The following LRRC37B variants were observed in gnomAD, a reference collection of about 807,000 sequenced individuals.
LRRC37B encodes leucine-rich repeat-containing protein 37B.
A neutral mutation model predicts 98.3 loss-of-function variants in LRRC37B; 28 were observed. That is an observed-to-expected ratio of 0.28 (90% CI 0.21 to 0.39). The LOEUF (loss-of-function observed/expected upper bound fraction) is 0.39, where lower values mean the gene tolerates loss of function less well. Ranked by LOEUF, LRRC37B falls within the 10% of genes least tolerant of loss-of-function variation. The pLI, the probability that LRRC37B is intolerant of heterozygous loss-of-function variation, is 1.00. For synonymous variants in LRRC37B, 364 were observed against 442.7 expected (o/e 0.82, Z 2.23); for missense variants, 938 against 1,182.7 (o/e 0.79, Z 3.03).
intron 8 of LRRC37B, chr17:32,047,548 T>C: frequency 1.6e-6 from 1 of 634,598 alleles, no homozygotes; most frequent in Non-Finnish European, 2.7e-6. Context: ...TATGTCACAC[T>C]ATGGAATGTT....
rs781381016 is a variant in LRRC37B, at chr17:32,021,166, G to C, written c.101G>C (p.Trp34Ser). Reference sequence around the variant, plus strand: ...TGTGTCATGTCTTGGCTGCGTTTCTGGGGCCCATGGCCCCTCCTTACGTGG... The same window carrying C: ...TGTGTCATGTCTTGGCTGCGTTTCTCGGGCCCATGGCCCCTCCTTACGTGG... The change falls in exon 1 of 12, where the codon TGG (tryptophan) becomes TCG (serine). Residue 34 changes from tryptophan to serine, a missense_variant. Transcript: ENST00000327564. 14 of 1,613,694 alleles carry C rather than the reference G, an allele frequency of 8.7e-6. No individual in the cohort carries two copies. The South Asian group carries it at 1.5e-4, about 18-fold the overall frequency.
At chr17:32,035,017 AT>A in intron 6 of LRRC37B, 36 bp downstream of exon 9, 2 of 1,350,382 alleles carry the variant, frequency 1.5e-6, no homozygotes, top group Non-Finnish European at 2.1e-6. Context: ...TCATGAGATG[AT>A]TTATGCTTTT....
At chr17:32,008,844 C>T (rs1320511508) in intron 1 of LRRC37B, among the ~76,000 whole-genome samples, 1 of 152,178 alleles carries the variant, frequency 6.6e-6, no homozygotes, top group East Asian at 1.9e-4. Context: ...GGTAATTCAT[C>T]CGATTCAAAA....
Position 32,011,143 on chromosome 17 carries a change from C to T in LRRC37B, c.-191+3011C>T, listed in dbSNP as rs556476149. ...TCCCAAGTAGCTGGGACTACAGGCA[C>T]CCGCCACCACGCCCCGCTGATTTTT... On this transcript the variant is annotated intron_variant, in intron 1 of 14. Coordinates refer to the LRRC37B transcript ENST00000543378. 2.6e-5 allele frequency among the ~76,000 whole-genome samples: 4 copies of T among 151,782 alleles called. 1 individual carries two copies. The highest frequency in any genetic ancestry group is 9.7e-5 in the African/African-American group (4 of 41,396).
At chr17:32,050,058 C>T in exon 11 of LRRC37B, 2 of 1,590,600 alleles carry the variant, frequency 1.3e-6, no homozygotes, top group East Asian at 2.2e-5. Context: ...TTCGCAATAT[C>T]TGTGACTGTA....
exon 1 of LRRC37B, chr17:32,021,428 G>T (rs138376837): frequency 1.2e-6 from 2 of 1,613,764 alleles, no homozygotes; most frequent in South Asian, 2.2e-5. Flanking sequence ...CTGAAAATTT[G>T]GCTCCATTCC....
At chr17:32,036,624 G>C (rs768410026) in intron 7 of LRRC37B, among the ~76,000 whole-genome samples, 11 of 152,126 alleles carry the variant, frequency 7.2e-5, no homozygotes, top group African/African-American at 2.7e-4. Flanking sequence ...GGGTCCTGGA[G>C]CCAATCCCCT....
rs759760544 is a variant in LRRC37B, at chr17:32,034,901, A to C, written c.2058-9A>C. On this transcript the variant is annotated splice_polypyrimidine_tract_variant and intron_variant, in intron 5 of 11. Transcript: ENST00000327564. ...ATGCAGGTAATTTTAATTTCATTGC[A>C]TTTTTCAGAATTCTCAATCGCAATC... 2.5e-6 allele frequency: 4 copies of C among 1,605,824 alleles called. No homozygotes were observed. Among genetic ancestry groups the C allele is most frequent in the South Asian group, 1.1e-5 (1 of 90,224 alleles).
chr17:32,041,811 A>T (rs1204436385), intron 7 of LRRC37B: 1 of 459,018 alleles, frequency 2.2e-6, no homozygotes, highest in South Asian at 1.5e-5. Flanking sequence ...CTCCTCACCC[A>T]GCTGGCCCAG....
upstream of LRRC37B, among the ~76,000 whole-genome samples, chr17:32,020,228 A>G (rs1431292504): frequency 1.3e-5 from 2 of 152,174 alleles, no homozygotes; most frequent in African/African-American, 4.8e-5. Flanking sequence ...TGGGGTTTAC[A>G]TGCTGATAAT....
chr17:32,024,086 G>GT (rs879823401), intron 1 of LRRC37B, among the ~76,000 whole-genome samples: 1,907 of 150,442 alleles, frequency 0.013, 18 homozygotes, highest in African/African-American at 0.041. Flanking sequence ...ATTTTATTTT[G>GT]TTTTTTTTGC....
At chr17:32,010,480 C>T (rs1298501757) in intron 1 of LRRC37B, among the ~76,000 whole-genome samples, 1 of 152,114 alleles carries the variant, frequency 6.6e-6, no homozygotes, top group East Asian at 1.9e-4. Context: ...TTGTTGTGGT[C>T]GTTGTTGTTC....
At position 32,049,032 on chromosome 17, in the gene LRRC37B, T is replaced by C. The variant is rs1911667500; in HGVS notation, c.2465-70T>C. Reference sequence around the variant, plus strand: ...TAAACAAACTGAGACAAAATGGGAATACAACAATGTGGGCATTGACTTGTC... The same window carrying C: ...TAAACAAACTGAGACAAAATGGGAACACAACAATGTGGGCATTGACTTGTC... On this transcript the variant is annotated intron_variant, in intron 9 of 11. Transcript: ENST00000327564. 1.9e-6 allele frequency: 3 copies of C among 1,609,554 alleles called. No homozygotes were observed. In the East Asian group the frequency reaches 6.7e-5, roughly 36 times the overall value.
chr17:32,021,257 G>C, exon 1 of LRRC37B: 1 of 1,612,912 alleles, frequency 6.2e-7, no homozygotes. Context: ...CGCTCCAGCT[G>C]ACCTCTAACC....
rs148524381 is a variant in LRRC37B, at chr17:32,022,669, C to T, written c.1604C>T (p.Ala535Val). ...GATTCATTGGTGCAGTCTGAAACTG[C>T]ACCAGAGGAACAGAAGGCCTCCACA... The change falls in exon 1 of 12, where the codon GCA (alanine) becomes GTA (valine). Residue 535 changes from alanine (A) to valine (V), a missense_variant. Ala to Val is a moderately conservative substitution (Grantham distance 64). This residue lies in a region of LRRC37B where 328 missense variants were observed against 557.0 expected (regional missense o/e 0.59). Transcript: ENST00000327564. 1.9e-5 allele frequency: 31 copies of T among 1,613,896 alleles called. No individual in the cohort carries two copies. Among genetic ancestry groups the T allele is most frequent in the African/African-American group, 9.3e-5 (7 of 74,944 alleles).
At chr17:32,034,563 A>T (rs1370123030) in intron 5 of LRRC37B, among the ~76,000 whole-genome samples, 1 of 151,158 alleles carries the variant, frequency 6.6e-6, no homozygotes, top group East Asian at 1.9e-4. Flanking sequence ...ATTATGGAGG[A>T]CACTAGAAAT....
At chr17:32,042,302 A>T in intron 7 of LRRC37B, 1 of 176,352 alleles carries the variant, frequency 5.7e-6, no homozygotes, top group South Asian at 1.4e-4. Flanking sequence ...AGGCCCACGG[A>T]AGCCTGTGTC....
chr17:32,047,052 A>C (rs372199032), intron 8 of LRRC37B: 2,048 of 153,988 alleles, frequency 0.013, 41 homozygotes, highest in African/African-American at 0.044. Context: ...CAACATAGGC[A>C]TACAATCTGG....
At chr17:32,035,734 C>T in intron 7 of LRRC37B, 95 bp downstream of exon 10, 1 of 1,293,298 alleles carries the variant, frequency 7.7e-7, no homozygotes, top group Non-Finnish European at 1.1e-6. Flanking sequence ...ATTTAATTTT[C>T]ATATAACATT....
Sources: gnomAD v4.1 joint callset for allele counts (sites outside exome capture counted in the v4.1 genomes callset) on GRCh38, gnomAD v4.1.1 for gene constraint, gnomAD v4.1.1 regional missense constraint, MANE v1.5 for transcripts, NCBI Gene and HGNC (gene_info 2026-07-23, HGNC 2026-07-21) for gene names.